The following NCAM2 variants were observed in gnomAD, a reference collection of about 807,000 sequenced individuals.
NCAM2 encodes the protein neural cell adhesion molecule 2.
Under a neutral mutation model 98.1 loss-of-function variants are expected in NCAM2, and 30 were observed. The ratio of observed to expected loss-of-function variants is 0.31; its 90% CI spans 0.23 to 0.41. The LOEUF (loss-of-function observed/expected upper bound fraction) is 0.41. NCAM2 is among the 10% of genes least tolerant of loss of function. NCAM2 has a pLI of 1.00. For synonymous variants in NCAM2, 368 were observed against 342.4 expected (o/e 1.07, Z -0.83); for missense variants, 867 against 1,005.8 (o/e 0.86, Z 1.87).
At chr21:21,410,655 T>C (rs915892151) in intron 10 of NCAM2, among the ~76,000 whole-genome samples, 194 bp downstream of exon 10, 2 of 152,048 alleles carry the variant, frequency 1.3e-5, no homozygotes, top group South Asian at 2.1e-4. Context: ...TATTCACTTA[T>C]ATAGCAATGT....
At chr21:21,444,962 A>G (rs898357253) in intron 12 of NCAM2, among the ~76,000 whole-genome samples, 2 of 152,000 alleles carry the variant, frequency 1.3e-5, no homozygotes, top group Admixed American at 1.3e-4. Flanking sequence ...TTTCTGATGT[A>G]GACAATTAGT....
intron 5 of NCAM2, among the ~76,000 whole-genome samples, chr21:21,300,000 G>C (rs1259927355): frequency 6.6e-6 from 1 of 151,882 alleles, no homozygotes; most frequent in African/African-American, 2.4e-5. Flanking sequence ...TGTGTAAATA[G>C]TGTTACACTG....
chr21:21,460,270 C>G (rs1982776159), intron 12 of NCAM2, among the ~76,000 whole-genome samples: 1 of 151,752 alleles, frequency 6.6e-6, no homozygotes, highest in Non-Finnish European at 1.5e-5. Context: ...ATTAATAGGT[C>G]AATATAAAGC....
chr21:21,013,131 C>A (rs1291070417), intron 1 of NCAM2, among the ~76,000 whole-genome samples: 4 of 152,074 alleles, frequency 2.6e-5, no homozygotes, highest in Non-Finnish European at 4.4e-5. Context: ...CCCTTAAAAT[C>A]AAAAGTTAGA....
At chr21:21,455,210 C>A (rs868055625) in intron 12 of NCAM2, among the ~76,000 whole-genome samples, 2,712 of 94,242 alleles carry the variant, frequency 0.029, no homozygotes, top group East Asian at 0.076. Context: ...AACCTATTGG[C>A]AAAAAAAAAA....
chr21:21,280,684 G>A (rs1333701096), intron 2 of NCAM2, 32 bp downstream of exon 2: 17 of 1,350,766 alleles, frequency 1.3e-5, no homozygotes, highest in Non-Finnish European at 1.5e-5. Context: ...TTCAGATAAC[G>A]TGGTTTCTGT....
intron 17 of NCAM2, 41 bp from the exon 18 acceptor site, chr21:21,537,805 A>G: frequency 4.5e-6 from 5 of 1,102,146 alleles, no homozygotes; most frequent in Non-Finnish European, 6.7e-6. Flanking sequence ...CGTCTCCTTA[A>G]ATACCTCAGA....
chr21:21,341,117 A>G (rs1383763256), intron 8 of NCAM2, among the ~76,000 whole-genome samples: 2 of 152,160 alleles, frequency 1.3e-5, no homozygotes, highest in African/African-American at 4.8e-5. Flanking sequence ...AAATGAAATT[A>G]CATATGAGAA....
intron 15 of NCAM2, among the ~76,000 whole-genome samples, chr21:21,502,685 G>A (rs562201289): frequency 3.9e-5 from 6 of 152,026 alleles, no homozygotes; most frequent in East Asian, 1.9e-4. Flanking sequence ...GAAAGATACC[G>A]TACGTAGTAA....
chr21:21,027,431 T>A (rs374977017), intron 1 of NCAM2, among the ~76,000 whole-genome samples: 59 of 152,318 alleles, frequency 3.9e-4, no homozygotes, highest in African/African-American at 1.4e-3. Flanking sequence ...TTCAGAGAAG[T>A]TACTTATGCA....
intron 9 of NCAM2, among the ~76,000 whole-genome samples, chr21:21,395,074 G>A (rs1459659771): frequency 1.3e-5 from 2 of 152,184 alleles, no homozygotes; most frequent in African/African-American, 2.4e-5. Context: ...GCTCACACCT[G>A]TAATCCCAAC....
At position 21,151,670 on chromosome 21, in the gene NCAM2, C is replaced by T. The variant is rs143560660; in HGVS notation, c.56-128908C>T. 5.9e-5 allele frequency among the ~76,000 whole-genome samples: 9 copies of T among 152,090 alleles called. No homozygotes were observed. The East Asian group carries it at 1.7e-3, about 29-fold the overall frequency. ...TGATTCTTATTATTTGAAATGACCT[C>T]CGTTATATCTAATCATGTTGTAATA... On this transcript the variant is annotated intron_variant, in intron 1 of 17. Coordinates refer to ENST00000400546, the MANE Select transcript of NCAM2 (RefSeq NM_004540.5).
At chr21:21,014,780 T>A (rs1448705211) in intron 1 of NCAM2, among the ~76,000 whole-genome samples, 2 of 152,210 alleles carry the variant, frequency 1.3e-5, no homozygotes, top group Non-Finnish European at 2.9e-5. Context: ...CGGTAATGAT[T>A]CCTCTAATGG....
At chr21:21,322,004 C>A (rs931245671) in intron 5 of NCAM2, among the ~76,000 whole-genome samples, 5 of 152,128 alleles carry the variant, frequency 3.3e-5, no homozygotes, top group Non-Finnish European at 7.4e-5. Context: ...GACACATGCA[C>A]TCGTACGATT....
intron 9 of NCAM2, among the ~76,000 whole-genome samples, chr21:21,404,668 C>T (rs554846445): frequency 8.6e-5 from 13 of 150,856 alleles, no homozygotes; most frequent in African/African-American, 2.2e-4. Flanking sequence ...GTGTATATAC[C>T]GTATATCAAT....
In NCAM2 at chr21:21,538,201, CTT is replaced by C; in HGVS notation, c.*246_*247del. On this transcript the variant is annotated 3_prime_UTR_variant, in exon 18 of 18. Transcript: ENST00000400546. ...ATATCAAGACTGACTGGCACCAACA[CTT>C]TGGTATTCAATTTGATTCTATGACT... is the stretch of plus-strand genomic sequence containing the variant. 3.8e-6 allele frequency: 1 copy of C among 263,020 alleles called. No individual in the cohort carries two copies. The highest frequency in any genetic ancestry group is 2.2e-5 in the African/African-American group (1 of 45,508). The allele number at this position is 263,020 out of a possible 1,614,324, so 16.3% of individuals were successfully genotyped here. A position where few individuals can be genotyped will look rare whatever the true frequency, so the allele number is the denominator to read the frequency against.
At chr21:21,419,980 G>C (rs1397830912) in intron 11 of NCAM2, among the ~76,000 whole-genome samples, 1 of 152,042 alleles carries the variant, frequency 6.6e-6, no homozygotes, top group Non-Finnish European at 1.5e-5. Context: ...CCCACCAACA[G>C]TGTAAAAGTG....
At chr21:21,143,675 C>A (rs1341448974) in intron 1 of NCAM2, among the ~76,000 whole-genome samples, 1 of 151,790 alleles carries the variant, frequency 6.6e-6, no homozygotes, top group African/African-American at 2.4e-5. Flanking sequence ...CCTCACTGTT[C>A]TACTATGCTG....
chr21:21,156,618 A>AG (rs60494905), intron 1 of NCAM2, among the ~76,000 whole-genome samples: 1 of 151,840 alleles, frequency 6.6e-6, no homozygotes, highest in Non-Finnish European at 1.5e-5. Context: ...ATAGATAGAT[A>AG]ATTGTAGATA....
Sources: gnomAD v4.1 joint callset for allele counts (sites outside exome capture counted in the v4.1 genomes callset) on GRCh38, gnomAD v4.1.1 for gene constraint, MANE v1.5 for transcripts, NCBI Gene and HGNC (gene_info 2026-07-23, HGNC 2026-07-21) for gene names.